Variants in LMBR1 observed in about 807,000 individuals in gnomAD.
LMBR1 encodes the protein limb region 1 protein homolog.
In LMBR1, 52 loss-of-function variants were observed where a neutral mutation model predicts 73.9. The ratio of observed to expected loss-of-function variants is 0.70; its 90% CI spans 0.56 to 0.89. The LOEUF is 0.89. Among genes scored for constraint, LMBR1 ranks in the 40% least tolerant of loss-of-function variants. The probability of loss-of-function intolerance (pLI) is 0.00; values close to 1 mark genes in which losing one functional copy is unlikely to be tolerated. For synonymous variants in LMBR1, 215 were observed against 209.4 expected (o/e 1.03, Z -0.23); for missense variants, 539 against 579.8 (o/e 0.93, Z 0.72).
At chr7:156,800,535 C>T (rs1305586321) in intron 4 of LMBR1, among the ~76,000 whole-genome samples, 1 of 146,986 alleles carries the variant, frequency 6.8e-6, no homozygotes, top group Admixed American at 6.8e-5. Context: ...TGACAATGCA[C>T]CTGCTGATGG....
At chr7:156,709,939 C>G (rs1457654065) in intron 15 of LMBR1, among the ~76,000 whole-genome samples, 1 of 115,140 alleles carries the variant, frequency 8.7e-6, no homozygotes, top group Non-Finnish European at 1.6e-5. Flanking sequence ...GAGTCTCACT[C>G]TGTCACCCAG....
intron 15 of LMBR1, among the ~76,000 whole-genome samples, chr7:156,692,359 G>A (rs1807395325): frequency 6.6e-6 from 1 of 152,202 alleles, no homozygotes; most frequent in Non-Finnish European, 1.5e-5. Context: ...TTACAGGCGT[G>A]AGCCACTGTG....
chr7:156,739,225 G>A (rs1211739019), intron 9 of LMBR1, among the ~76,000 whole-genome samples: 2 of 152,168 alleles, frequency 1.3e-5, no homozygotes, highest in African/African-American at 4.8e-5. Context: ...CAGGAGCAGG[G>A]AAGAATAGGA....
At chr7:156,730,407 AC>A (rs909928748) in intron 10 of LMBR1, among the ~76,000 whole-genome samples, 52 of 152,322 alleles carry the variant, frequency 3.4e-4, no homozygotes, top group African/African-American at 1.2e-3. Context: ...TTCAATTAGG[AC>A]CAATGAAAAG....
At chr7:156,863,416 G>T (rs1439415934) in intron 1 of LMBR1, among the ~76,000 whole-genome samples, 1 of 151,862 alleles carries the variant, frequency 6.6e-6, no homozygotes, top group Non-Finnish European at 1.5e-5. Flanking sequence ...CAGATTAAGT[G>T]TGGGTCTGCC....
chr7:156,757,954 A>G (rs1285194627), intron 8 of LMBR1, among the ~76,000 whole-genome samples: 1 of 152,232 alleles, frequency 6.6e-6, no homozygotes, highest in Non-Finnish European at 1.5e-5. Flanking sequence ...TAAAATAATA[A>G]TCAACAGTAA....
chr7:156,710,639 T>C (rs964003130), intron 15 of LMBR1, among the ~76,000 whole-genome samples: 11 of 152,196 alleles, frequency 7.2e-5, no homozygotes, highest in Admixed American at 7.2e-4. Flanking sequence ...TTGCTAGATA[T>C]GCAAATGTCC....
intron 4 of LMBR1, among the ~76,000 whole-genome samples, chr7:156,809,376 G>A (rs1202727466): frequency 2.0e-5 from 3 of 152,146 alleles, no homozygotes; most frequent in African/African-American, 7.2e-5. Flanking sequence ...AGTGTCTGTA[G>A]GGGATTGGTT....
intron 14 of LMBR1, 142 bp from the exon 15 acceptor site, chr7:156,724,320 A>G: frequency 1.7e-6 from 1 of 586,360 alleles, no homozygotes. Flanking sequence ...TCAGTACAGA[A>G]TTTTCAAAGA....
intron 7 of LMBR1, 40 bp from the exon 8 acceptor site, chr7:156,762,238 A>T (rs1198413506): frequency 1.5e-6 from 2 of 1,328,264 alleles, no homozygotes; most frequent in Non-Finnish European, 2.2e-6. Context: ...AAGCGACATT[A>T]TAGAGCTTGG....
At chr7:156,891,221 TATATATATATATAC>T (rs1404496483) in intron 1 of LMBR1, among the ~76,000 whole-genome samples, 16 of 58,524 alleles carry the variant, frequency 2.7e-4, no homozygotes, top group African/African-American at 9.8e-4. Context: ...AATATATATA[TATATATATATATAC>T]ACACACACAC....
chr7:156,755,823 G>A (rs1440305884), intron 9 of LMBR1, among the ~76,000 whole-genome samples: 1 of 152,144 alleles, frequency 6.6e-6, no homozygotes, highest in Non-Finnish European at 1.5e-5. Context: ...TTTTTGGGGT[G>A]ATGATTTAAA....
intron 14 of LMBR1, 50 bp downstream of exon 14, chr7:156,725,385 T>C (rs1259990308): frequency 1.9e-6 from 2 of 1,065,482 alleles, no homozygotes; most frequent in East Asian, 4.8e-5. Flanking sequence ...TAAAGCAGTC[T>C]GTCAGGGAAG....
rs1804657921 is a variant in LMBR1, at chr7:156,679,567, C to T, written c.*4511G>A. On this transcript the variant is annotated 3_prime_UTR_variant, in exon 17 of 17. Transcript: ENST00000353442. ...GTCAGTGTTTGTAAGCGGCATCGTT[C>T]ATTCAGTAACAGCTTTTCAAAGGAA... is the stretch of plus-strand genomic sequence containing the variant. 6.6e-6 allele frequency: 1 copy of T among 152,152 alleles called. No individual in the cohort carries two copies. Among genetic ancestry groups the T allele is most frequent in the Non-Finnish European group, 1.5e-5 (1 of 68,040 alleles). 9.4% of individuals were successfully genotyped at this position (152,152 alleles called of 1,614,324 possible).
chr7:156,736,282 AC>A (rs1187307349), intron 9 of LMBR1, among the ~76,000 whole-genome samples: 15 of 152,338 alleles, frequency 9.8e-5, no homozygotes, highest in African/African-American at 3.6e-4. Flanking sequence ...AATGATAAAT[AC>A]AGGTTGAATA....
At chr7:156,814,658 CG>C (rs1157243545) in intron 4 of LMBR1, among the ~76,000 whole-genome samples, 6 of 152,208 alleles carry the variant, frequency 3.9e-5, no homozygotes, top group South Asian at 4.1e-4. Context: ...TAGCTAAGTG[CG>C]TAGCACTTTA....
intron 15 of LMBR1, among the ~76,000 whole-genome samples, chr7:156,716,694 C>T (rs1339084485): frequency 2.6e-5 from 4 of 152,232 alleles, no homozygotes; most frequent in African/African-American, 4.8e-5. Context: ...AATAAAAGGA[C>T]ATCCGCTTAG....
At chr7:156,739,178 C>G (rs1818438874) in intron 9 of LMBR1, among the ~76,000 whole-genome samples, 2 of 152,256 alleles carry the variant, frequency 1.3e-5, no homozygotes, top group African/African-American at 4.8e-5. Context: ...TGACCACTGG[C>G]AGTGGCCTGG....
chr7:156,764,326 A>C (rs1461500048), intron 5 of LMBR1, among the ~76,000 whole-genome samples: 1 of 152,210 alleles, frequency 6.6e-6, no homozygotes, highest in African/African-American at 2.4e-5. Flanking sequence ...TGCTTTTATC[A>C]GTTCTATATG....
Sources: gnomAD v4.1 joint callset for allele counts (sites outside exome capture counted in the v4.1 genomes callset) on GRCh38, gnomAD v4.1.1 for gene constraint, MANE v1.5 for transcripts, NCBI Gene and HGNC (gene_info 2026-07-23, HGNC 2026-07-21) for gene names.